Variants in SDK1 observed in about 807,000 individuals in gnomAD.
The protein encoded by SDK1 is sidekick cell adhesion molecule 1.
In SDK1, 157 loss-of-function variants were observed where a neutral mutation model predicts 245.5. That is an observed-to-expected ratio of 0.64 (90% CI 0.56 to 0.73). The LOEUF (loss-of-function observed/expected upper bound fraction) is 0.73, where lower values mean the gene tolerates loss of function less well. SDK1 is among the 30% of genes least tolerant of loss of function. SDK1 has a pLI of 0.00. For synonymous variants in SDK1, 1,647 were observed against 1,278.5 expected, an observed-to-expected ratio of 1.29 and a Z score of -6.15; for missense variants, 3,583 against 3,002.3, an observed-to-expected ratio of 1.19 and a Z score of -4.52.
At chr7:3,487,469 T>C (rs969536058) in intron 1 of SDK1, among the ~76,000 whole-genome samples, 1 of 151,998 alleles carries the variant, frequency 6.6e-6, no homozygotes, top group Admixed American at 6.6e-5. Context: ...TGGCTGTGCA[T>C]GGTGGCTCAT....
chr7:4,260,803 C>A (rs1787952594), intron 44 of SDK1, among the ~76,000 whole-genome samples: 1 of 142,246 alleles, frequency 7.0e-6, no homozygotes, highest in Non-Finnish European at 1.5e-5. Flanking sequence ...TTCATCGTCA[C>A]CTGATGGAGA....
intron 20 of SDK1, 108 bp downstream of exon 20, chr7:4,068,044 C>A: frequency 1.3e-6 from 1 of 757,146 alleles, no homozygotes; most frequent in Non-Finnish European, 2.2e-6. Flanking sequence ...GTGCCCATGG[C>A]CTTCTCAAGA....
intron 2 of SDK1, among the ~76,000 whole-genome samples, chr7:3,630,347 G>C (rs1782251577): frequency 6.6e-6 from 1 of 152,204 alleles, no homozygotes; most frequent in African/African-American, 2.4e-5. Context: ...GATCATTTAT[G>C]TAGAAAATAT....
chr7:4,199,510 A>C lies in SDK1; in HGVS notation c.5099-6369A>C, dbSNP rs140030831. Reference sequence around the variant, plus strand: ...TTGAAGTTTCAGAGCTAACCTTTAAAATGGAAATATCTGTAGGACAAATAT... The same window carrying C: ...TTGAAGTTTCAGAGCTAACCTTTAACATGGAAATATCTGTAGGACAAATAT... On this transcript the variant is annotated intron_variant, in intron 35 of 44. Transcript: ENST00000404826. Among the ~76,000 whole-genome samples the C allele has an allele frequency of 4.2e-4, 64 of 152,314 alleles. No individual in the cohort carries two copies. In the East Asian group the frequency reaches 5.4e-3, roughly 13 times the overall value.
chr7:3,720,537 C>T (rs527846241), intron 4 of SDK1, among the ~76,000 whole-genome samples: 1 of 152,312 alleles, frequency 6.6e-6, no homozygotes, highest in South Asian at 2.1e-4. Flanking sequence ...GATATCACTA[C>T]AAACCCATCA....
At chr7:4,205,534 C>A (rs1784166834) in intron 35 of SDK1, among the ~76,000 whole-genome samples, 1 of 152,326 alleles carries the variant, frequency 6.6e-6, no homozygotes, top group Non-Finnish European at 1.5e-5. Context: ...GGATTACGAT[C>A]TCATACCTTT....
intron 1 of SDK1, among the ~76,000 whole-genome samples, chr7:3,353,388 G>T (rs1780711114): frequency 6.6e-6 from 1 of 152,028 alleles, no homozygotes; most frequent in African/African-American, 2.4e-5. Context: ...AAAATATACT[G>T]AACATAGGAA....
rs548746757 is a variant in SDK1 at position 3,638,554 on chromosome 7, T to A, written c.459-450T>A. 6.9e-5 allele frequency among the ~76,000 whole-genome samples: 10 copies of A among 145,516 alleles called. No individual in the cohort carries two copies. In the South Asian group the frequency reaches 2.0e-3, roughly 29 times the overall value. On this transcript the variant is annotated intron_variant, in intron 2 of 44. Transcript: ENST00000404826. ...CAAGGACAAAAAACCAAACACCGCA[T>A]GTTCTCACTCATAGGTGGGAATTGA... is the stretch of plus-strand genomic sequence containing the variant.
intron 5 of SDK1, among the ~76,000 whole-genome samples, chr7:3,897,428 A>T (rs1781640627): frequency 6.6e-6 from 1 of 152,130 alleles, no homozygotes; most frequent in Admixed American, 6.5e-5. Flanking sequence ...ACTACTCTAG[A>T]GGCCTCATAT....
chr7:3,813,682 G>A (rs1294578332), intron 4 of SDK1, among the ~76,000 whole-genome samples: 2 of 132,352 alleles, frequency 1.5e-5, no homozygotes, highest in African/African-American at 3.2e-5. Flanking sequence ...CCGAGGAATC[G>A]CCACACTGAC....
At chr7:3,535,520 T>C (rs1778857770) in intron 1 of SDK1, among the ~76,000 whole-genome samples, 1 of 152,128 alleles carries the variant, frequency 6.6e-6, no homozygotes, top group African/African-American at 2.4e-5. Context: ...TACTATTCTT[T>C]AGTAGTGTGA....
At chr7:4,235,423 C>T (rs552237747) in intron 41 of SDK1, among the ~76,000 whole-genome samples, 47 of 152,300 alleles carry the variant, frequency 3.1e-4, no homozygotes, top group African/African-American at 1.1e-3. Context: ...CTTGGCCTCC[C>T]AAAGTGCTGG....
intron 22 of SDK1, among the ~76,000 whole-genome samples, chr7:4,080,661 T>C (rs895805806): frequency 6.6e-6 from 1 of 151,936 alleles, no homozygotes; most frequent in African/African-American, 2.4e-5. Context: ...TTAGGAAAAA[T>C]AGCAGTAGAG....
intron 1 of SDK1, among the ~76,000 whole-genome samples, chr7:3,311,756 G>C (rs540511651): frequency 6.6e-6 from 1 of 152,244 alleles, no homozygotes; most frequent in East Asian, 1.9e-4. Context: ...AGAAACTGTG[G>C]ACAAAATATA....
intron 38 of SDK1, among the ~76,000 whole-genome samples, chr7:4,217,531 ACCACCCGGAGCACCAGG>A (rs1784899001): frequency 1.6e-5 from 1 of 64,238 alleles, no homozygotes; most frequent in Non-Finnish European, 3.2e-5. Context: ...GGAGCACCAC[ACCACCCGGAGCACCAGG>A]CCACCCGGAG....
chr7:3,582,109 CCTCAGGTAGGCCTGT>C (rs1244005188), intron 1 of SDK1, among the ~76,000 whole-genome samples: 2 of 139,140 alleles, frequency 1.4e-5, no homozygotes, highest in African/African-American at 2.6e-5. Flanking sequence ...GGTAGGTCTC[CCTCAGGTAGGCCTGT>C]CTCAGGTAGG....
intron 35 of SDK1, among the ~76,000 whole-genome samples, chr7:4,198,719 G>T (rs562847852): frequency 6.6e-6 from 1 of 152,108 alleles, no homozygotes; most frequent in East Asian, 1.9e-4. Flanking sequence ...GGACCTTAGG[G>T]TTAGGCAGAT....
intron 2 of SDK1, among the ~76,000 whole-genome samples, chr7:3,624,634 C>G (rs1027242680): frequency 3.9e-5 from 6 of 152,104 alleles, no homozygotes; most frequent in South Asian, 4.2e-4. Context: ...TGGGGAGGAA[C>G]TTTTTTTTCT....
At chr7:4,056,792 A>G (rs1038683082) in intron 19 of SDK1, among the ~76,000 whole-genome samples, 6 of 152,244 alleles carry the variant, frequency 3.9e-5, no homozygotes, top group African/African-American at 1.4e-4. Context: ...CAGCCCCACC[A>G]GAACATTCCG....
Sources: allele counts gnomAD v4.1 joint callset (sites outside exome capture counted in the v4.1 genomes callset), GRCh38; gene constraint gnomAD v4.1.1; transcripts MANE v1.5; gene names NCBI Gene and HGNC (gene_info 2026-07-23, HGNC 2026-07-21).